Variants in ADAM18 observed in about 807,000 individuals in gnomAD.
ADAM18 encodes disintegrin and metalloproteinase domain-containing protein 18.
A neutral mutation model predicts 94.4 loss-of-function variants in ADAM18; 117 were observed. The observed-to-expected ratio is 1.24, with a 90% CI of 1.07 to 1.45. ADAM18 has a LOEUF of 1.45. ADAM18 is among the 40% of genes most tolerant of loss of function. The probability of loss-of-function intolerance (pLI) is 0.00; values close to 1 mark genes in which losing one functional copy is unlikely to be tolerated. For missense variants in ADAM18, 936 were observed against 880.0 expected, an observed-to-expected ratio of 1.06 and a Z score of -0.81; for synonymous variants, 327 against 291.6, an observed-to-expected ratio of 1.12 and a Z score of -1.24.
intron 2 of ADAM18, among the ~76,000 whole-genome samples, chr8:39,586,772 CT>C (rs1409401125): frequency 8.0e-6 from 1 of 124,438 alleles, no homozygotes; most frequent in Non-Finnish European, 1.9e-5. Flanking sequence ...ATCTATCTAT[CT>C]ATCTATCTAT....
At chr8:39,613,275 C>T (rs1224974444) in intron 6 of ADAM18, among the ~76,000 whole-genome samples, 1 of 152,194 alleles carries the variant, frequency 6.6e-6, no homozygotes, top group Non-Finnish European at 1.5e-5. Flanking sequence ...GCCTCTCAAG[C>T]ACAGCAGGTA....
intron 3 of ADAM18, 45 bp from the exon 4 acceptor site, chr8:39,608,997 T>A (rs770209096): frequency 1.8e-6 from 2 of 1,112,398 alleles, no homozygotes; most frequent in Non-Finnish European, 2.6e-6. Context: ...TAACATTATA[T>A]TAAGATTATG....
At chr8:39,626,112 G>T (rs535830113) in intron 6 of ADAM18, among the ~76,000 whole-genome samples, 4 of 152,080 alleles carry the variant, frequency 2.6e-5, no homozygotes, top group Admixed American at 2.0e-4. Context: ...GTCTAGTCAG[G>T]ATTTCTATTT....
chr8:39,588,263 T>A (rs1481956570), intron 2 of ADAM18, among the ~76,000 whole-genome samples: 1 of 151,500 alleles, frequency 6.6e-6, no homozygotes, highest in East Asian at 1.9e-4. Context: ...CCCATTATAA[T>A]AGCTGTGAGG....
intron 13 of ADAM18, among the ~76,000 whole-genome samples, chr8:39,667,393 C>T (rs1821020178): frequency 7.0e-6 from 1 of 143,282 alleles, no homozygotes; most frequent in Non-Finnish European, 1.5e-5. Flanking sequence ...AAGAGCAAAA[C>T]TCCATCTCAA....
chr8:39,615,694 A>G (rs1819418466), intron 6 of ADAM18, among the ~76,000 whole-genome samples: 1 of 152,192 alleles, frequency 6.6e-6, no homozygotes, highest in African/African-American at 2.4e-5. Flanking sequence ...TCAACATAGT[A>G]CTAGAAGACC....
At chr8:39,660,632 C>T (rs992539149) in intron 12 of ADAM18, among the ~76,000 whole-genome samples, 2 of 152,008 alleles carry the variant, frequency 1.3e-5, no homozygotes, top group Non-Finnish European at 2.9e-5. Context: ...GATGGCAATA[C>T]AGTATAATAG....
At chr8:39,599,730 G>A (rs1818848003) in intron 2 of ADAM18, among the ~76,000 whole-genome samples, 1 of 151,904 alleles carries the variant, frequency 6.6e-6, no homozygotes, top group South Asian at 2.1e-4. Flanking sequence ...ATCCATTGTT[G>A]TTATGTAGAA....
At chr8:39,659,391 A>G (rs773828917) in intron 12 of ADAM18, among the ~76,000 whole-genome samples, 3 of 152,082 alleles carry the variant, frequency 2.0e-5, no homozygotes, top group Non-Finnish European at 4.4e-5. Context: ...ACAAGCAAAT[A>G]CACAAAAAAG....
intron 2 of ADAM18, among the ~76,000 whole-genome samples, chr8:39,593,710 G>A: frequency 6.6e-6 from 1 of 151,956 alleles, no homozygotes; most frequent in Admixed American, 6.6e-5. Flanking sequence ...CTGTCTTTTG[G>A]GGCATACCCA....
In ADAM18 at chr8:39,648,399, T is replaced by G. The variant is rs1820442243; in HGVS notation, c.1102T>G (p.Phe368Val). The G allele has an allele frequency of 1.9e-6, 3 of 1,612,978 alleles. No homozygotes were observed. In the South Asian group the frequency reaches 3.3e-5, roughly 18 times the overall value. ...CTGCAGCATGCACGACTATAGATAT[T>G]TTGTTTCAAAATTTGAGACTAAATG... ...SNCSMHDYRY[F>V]VSKFETKCLQ... The change falls in exon 12 of 20, where the codon TTT becomes GTT. Residue 368 changes from phenylalanine (F) to valine (V), a missense_variant. Phe to Val is a conservative substitution (Grantham distance 50). Transcript: ENST00000265707.
chr8:39,636,276 G>A (rs1820074732), intron 7 of ADAM18, among the ~76,000 whole-genome samples: 1 of 152,104 alleles, frequency 6.6e-6, no homozygotes, highest in Admixed American at 6.6e-5. Context: ...GTGAGTCACT[G>A]CACCTGTCCA....
chr8:39,633,001 T>C (rs1042936116), intron 7 of ADAM18, among the ~76,000 whole-genome samples: 7 of 152,160 alleles, frequency 4.6e-5, no homozygotes, highest in African/African-American at 7.2e-5. Context: ...CCTTCCCTCA[T>C]GTATGGGATT....
At chr8:39,683,619 A>G (rs951486611) in intron 16 of ADAM18, among the ~76,000 whole-genome samples, 5 of 152,160 alleles carry the variant, frequency 3.3e-5, no homozygotes, top group African/African-American at 1.2e-4. Context: ...TCATTTTTAT[A>G]TGTGCATAGT....
chr8:39,599,259 A>T (rs1818833319), intron 2 of ADAM18, among the ~76,000 whole-genome samples: 1 of 152,180 alleles, frequency 6.6e-6, no homozygotes, highest in African/African-American at 2.4e-5. Context: ...TGTAATGTAT[A>T]AAAAAATTTG....
intron 12 of ADAM18, 61 bp from the exon 13 acceptor site, chr8:39,663,734 T>A: frequency 9.2e-7 from 1 of 1,088,626 alleles, no homozygotes. Context: ...AAATTGAGAT[T>A]AAGAAACAAG....
At position 39,660,053 on chromosome 8, in the gene ADAM18, A is replaced by T. The variant is rs201101961; in HGVS notation, c.1231-3742A>T. The stretch of plus-strand genomic sequence containing the variant: ...TACAATAATTTATTTTAACTATAAG[A>T]TATTTTATGTAAGCCTTATGATAAC... On this transcript the variant is annotated intron_variant, in intron 12 of 19. Transcript: ENST00000265707. 7.9e-5 allele frequency among the ~76,000 whole-genome samples: 12 copies of T among 152,266 alleles called. No individual in the cohort carries two copies. The East Asian group carries it at 2.3e-3, about 29-fold the overall frequency.
chr8:39,668,297 C>T (rs1286137753), intron 14 of ADAM18, 101 bp downstream of exon 14: 1 of 1,132,132 alleles, frequency 8.8e-7, no homozygotes, highest in East Asian at 2.5e-5. Context: ...AACTGAACCA[C>T]AAGATTAATA....
At chr8:39,697,726 G>A (rs990785137) in intron 17 of ADAM18, among the ~76,000 whole-genome samples, 1 of 151,478 alleles carries the variant, frequency 6.6e-6, no homozygotes, top group Non-Finnish European at 1.5e-5. Context: ...TCTGATAAGT[G>A]TTTTTTTGAA....
Sources: gnomAD v4.1 joint callset for allele counts (sites outside exome capture counted in the v4.1 genomes callset) on GRCh38, gnomAD v4.1.1 for gene constraint, MANE v1.5 for transcripts, NCBI Gene and HGNC (gene_info 2026-07-23, HGNC 2026-07-21) for gene names.